The following CAPZB variants were observed in gnomAD, a reference collection of about 807,000 sequenced individuals.
The protein encoded by CAPZB is capping actin protein of muscle Z-line subunit beta.
In CAPZB, 2 loss-of-function variants were observed where a neutral mutation model predicts 38.1. The observed-to-expected ratio is 0.05, with a 90% confidence interval of 0.02 to 0.17. The LOEUF is 0.17. Among genes scored for constraint, CAPZB ranks in the 10% least tolerant of loss-of-function variants. The pLI is 1.00. For synonymous variants in CAPZB, 107 were observed against 127.4 expected (o/e 0.84, Z 1.08); for missense variants, 161 against 334.2 (o/e 0.48, Z 4.04).
At chr1:19,429,972 C>CT (rs528856683) in intron 1 of CAPZB, among the ~76,000 whole-genome samples, 9 of 152,196 alleles carry the variant, frequency 5.9e-5, no homozygotes, top group Non-Finnish European at 1.2e-4. Context: ...ATCACCTTCC[C>CT]TTTGTTTTCC....
intron 1 of CAPZB, chr1:19,484,378 C>T (rs1271605542): frequency 2.0e-6 from 3 of 1,538,292 alleles, no homozygotes; most frequent in Admixed American, 2.0e-5. Context: ...GTGGGCCACC[C>T]ATCCTCGCCC....
At chr1:19,403,360 G>T (rs2094313573) in intron 2 of CAPZB, among the ~76,000 whole-genome samples, 1 of 152,246 alleles carries the variant, frequency 6.6e-6, no homozygotes, top group African/African-American at 2.4e-5. Flanking sequence ...GGGGGGCAGG[G>T]TGAGGGAAGT....
At position 19,449,002 on chromosome 1, in the gene CAPZB, A is replaced by ACGCTGCCCCAGGCTGCT. The variant is rs2094505779; in HGVS notation, c.4-29269_4-29253dup. On this transcript the variant is annotated intron_variant, in intron 1 of 8. Transcript: ENST00000264202. ...AAGTGGAAACATGACGTGACTAGGGACGCTGCCCCAGGCTGCTCGCTGCCC... is the reference window on the plus strand; with the variant it reads ...AAGTGGAAACATGACGTGACTAGGGACGCTGCCCCAGGCTGCTCGCTGCCCCAGGCTGCTCGCTGCCC... 5.1e-6 allele frequency: 8 copies of ACGCTGCCCCAGGCTGCT among 1,570,982 alleles called. No homozygotes were observed. In the South Asian group the frequency reaches 9.2e-5, roughly 18 times the overall value.
At chr1:19,440,158 G>T (rs1296686696) in intron 1 of CAPZB, among the ~76,000 whole-genome samples, 1 of 152,068 alleles carries the variant, frequency 6.6e-6, no homozygotes, top group Non-Finnish European at 1.5e-5. Context: ...TTTTCTTTTT[G>T]TTTTTCTGAA....
At position 19,357,071 on chromosome 1, in the gene CAPZB, G is replaced by C. The variant is rs779149939; in HGVS notation, c.472-320C>G. On this transcript the variant is annotated intron_variant, in intron 5 of 8. Coordinates refer to ENST00000264202, the MANE Select transcript of CAPZB (RefSeq NM_004930.5). The surrounding 1 kb of genome is among the most constrained non-coding windows in gnomAD (Gnocchi z 4.3). ...GTAGAGATGCGGTTTCGCCATATTG[G>C]CCAGGCTGGTCTTGAACTCCTGACC... Among the ~76,000 whole-genome samples, 10 of 151,968 alleles carry C rather than the reference G, an allele frequency of 6.6e-5. No homozygotes were observed. Among genetic ancestry groups the C allele is most frequent in the Non-Finnish European group, 1.5e-4 (10 of 68,006 alleles).
At chr1:19,393,739 T>C (rs2094250748) in intron 2 of CAPZB, among the ~76,000 whole-genome samples, 1 of 152,228 alleles carries the variant, frequency 6.6e-6, no homozygotes, top group Non-Finnish European at 1.5e-5. Flanking sequence ...CCAAGGTGCC[T>C]GGGGTCGCCT....
chr1:19,452,618 C>T (rs1025005880), intron 1 of CAPZB, among the ~76,000 whole-genome samples: 11 of 151,932 alleles, frequency 7.2e-5, no homozygotes, highest in Non-Finnish European at 1.2e-4. Flanking sequence ...CACTCAAGCT[C>T]GGACAAACCC....
At chr1:19,372,326 G>C (rs1005077191) in intron 4 of CAPZB, among the ~76,000 whole-genome samples, 6 of 152,234 alleles carry the variant, frequency 3.9e-5, no homozygotes, top group Admixed American at 3.3e-4. Flanking sequence ...GGACTTCAGA[G>C]CATTGGGCGA....
intron 2 of CAPZB, among the ~76,000 whole-genome samples, chr1:19,394,306 G>T (rs2094254232): frequency 1.3e-5 from 2 of 152,178 alleles, no homozygotes; most frequent in African/African-American, 4.8e-5. Context: ...TTCTTTAAGT[G>T]CAAGCACAGC....
intron 1 of CAPZB, chr1:19,420,007 G>A (rs937520171): frequency 6.5e-5 from 29 of 449,236 alleles, no homozygotes; most frequent in South Asian, 1.9e-4. Context: ...GGCTGGAGAC[G>A]TCAGAAAGCT....
chr1:19,347,516 G>C (rs1382619573), intron 6 of CAPZB, among the ~76,000 whole-genome samples: 3 of 152,160 alleles, frequency 2.0e-5, no homozygotes, highest in African/African-American at 7.2e-5. Context: ...CACCTGGTCA[G>C]GGTCAGCTCG....
At chr1:19,397,605 C>T (rs992644271) in intron 2 of CAPZB, among the ~76,000 whole-genome samples, 14 of 152,184 alleles carry the variant, frequency 9.2e-5, no homozygotes, top group African/African-American at 3.4e-4. Flanking sequence ...AAGGTCAACG[C>T]GAACGGAACC....
At chr1:19,413,383 G>C (rs1368840483) in intron 2 of CAPZB, among the ~76,000 whole-genome samples, 1 of 152,246 alleles carries the variant, frequency 6.6e-6, no homozygotes, top group African/African-American at 2.4e-5. Context: ...ACCCAAACTG[G>C]AGTGTAGTGG....
intron 8 of CAPZB, among the ~76,000 whole-genome samples, chr1:19,342,234 T>A (rs1297059025): frequency 4.6e-5 from 7 of 152,220 alleles, no homozygotes; most frequent in African/African-American, 1.7e-4. Flanking sequence ...CAGCCCTGAC[T>A]CTGCCCTCCA....
chr1:19,484,798 G>A (rs2094644951), intron 1 of CAPZB: 1 of 721,212 alleles, frequency 1.4e-6, no homozygotes, highest in Non-Finnish European at 1.7e-6. Context: ...GGTGGGGAGG[G>A]GGCAGTGAGG....
chr1:19,391,241 A>G (rs1161011622), intron 2 of CAPZB, among the ~76,000 whole-genome samples: 1 of 152,168 alleles, frequency 6.6e-6, no homozygotes, highest in Non-Finnish European at 1.5e-5. Context: ...TCAACCAGAA[A>G]AAGAAACTTG....
At chr1:19,471,010 C>T (rs1326024887) in intron 1 of CAPZB, among the ~76,000 whole-genome samples, 1 of 152,162 alleles carries the variant, frequency 6.6e-6, no homozygotes, top group Non-Finnish European at 1.5e-5. Context: ...TTCCAAGACC[C>T]CCAGTGGATG....
At position 19,469,741 on chromosome 1, in the gene CAPZB, T is replaced by TACACACACACAC. The variant is rs60330360; in HGVS notation, c.3+15683_3+15694dup. On this transcript the variant is annotated intron_variant, in intron 1 of 8. Transcript: ENST00000264202. The stretch of plus-strand genomic sequence containing the variant: ...AAGATACTCAAAAGGAGGAAAAGAA[T>TACACACACACAC]ACACACACACACACACACACACACA... Among the ~76,000 whole-genome samples, 231 of 136,708 alleles carry TACACACACACAC rather than the reference T, an allele frequency of 1.7e-3. 4 individuals carry two copies. The highest frequency in any genetic ancestry group is 3.8e-3 in the Middle Eastern group (1 of 260). The allele number at this position is 136,708 out of a possible 152,430, so 89.7% of individuals were successfully genotyped here. A position where few individuals can be genotyped will look rare whatever the true frequency, so the allele number is the denominator to read the frequency against.
chr1:19,437,154 C>G (rs937215076), intron 1 of CAPZB, among the ~76,000 whole-genome samples: 7 of 152,224 alleles, frequency 4.6e-5, no homozygotes, highest in African/African-American at 1.7e-4. Context: ...AAAGGTTTCT[C>G]ATCCAGACAA....
Sources: allele counts gnomAD v4.1 joint callset (sites outside exome capture counted in the v4.1 genomes callset), GRCh38; gene constraint gnomAD v4.1.1; non-coding constraint Gnocchi (gnomAD v3.1); transcripts MANE v1.5; gene names NCBI Gene and HGNC (gene_info 2026-07-23, HGNC 2026-07-21).